SUSD4: variants seen among roughly 807,000 people sequenced by gnomAD.
SUSD4 encodes the protein sushi domain-containing protein 4.
SUSD4 carries 41 observed loss-of-function variants against 50.5 expected under a neutral mutation model. The ratio of observed to expected loss-of-function variants is 0.81; its 90% confidence interval spans 0.63 to 1.05. The LOEUF is 1.05. Ranked by LOEUF, SUSD4 falls within the 50% of genes least tolerant of loss-of-function variation. The pLI is 0.00. For synonymous variants in SUSD4, 257 were observed against 257.3 expected (o/e 1.00, Z 0.01); for missense variants, 580 against 634.7 (o/e 0.91, Z 0.93).
At chr1:223,300,041 C>T (rs1412218695) in intron 2 of SUSD4, among the ~76,000 whole-genome samples, 8 of 152,176 alleles carry the variant, frequency 5.3e-5, no homozygotes, top group Non-Finnish European at 7.3e-5. Flanking sequence ...CTGAATGTCC[C>T]TCCACCCAGA....
At chr1:223,267,069 T>C (rs1004163746) in intron 4 of SUSD4, among the ~76,000 whole-genome samples, 1 of 152,224 alleles carries the variant, frequency 6.6e-6, no homozygotes, top group African/African-American at 2.4e-5. Context: ...GGTAACCGAC[T>C]GGCTCTGTTG....
chr1:223,266,049 G>C (rs1662468699), intron 4 of SUSD4, among the ~76,000 whole-genome samples: 1 of 152,164 alleles, frequency 6.6e-6, no homozygotes, highest in African/African-American at 2.4e-5. Context: ...CTGTGCATCA[G>C]AGCAGGTGAG....
intron 3 of SUSD4, among the ~76,000 whole-genome samples, chr1:223,281,382 A>G (rs991428390): frequency 3.3e-5 from 5 of 152,140 alleles, no homozygotes; most frequent in Admixed American, 1.3e-4. Flanking sequence ...TCAAATAGAC[A>G]CAATAAAAAA....
intron 2 of SUSD4, among the ~76,000 whole-genome samples, chr1:223,322,451 C>T (rs1055810625): frequency 2.6e-5 from 4 of 152,208 alleles, no homozygotes; most frequent in East Asian, 1.9e-4. Context: ...AGACCTAACA[C>T]ATCGATTTTT....
intron 2 of SUSD4, among the ~76,000 whole-genome samples, chr1:223,321,499 C>G (rs943111527): frequency 6.6e-6 from 1 of 152,250 alleles, no homozygotes; most frequent in African/African-American, 2.4e-5. Context: ...ATTATCTTCA[C>G]CATCACCCAG....
At chr1:223,255,186 G>T (rs948459354) in intron 5 of SUSD4, among the ~76,000 whole-genome samples, 2 of 152,174 alleles carry the variant, frequency 1.3e-5, no homozygotes, top group African/African-American at 4.8e-5. Context: ...GAGGGAAAGG[G>T]CATGAGATTT....
intron 3 of SUSD4, among the ~76,000 whole-genome samples, chr1:223,285,297 C>T (rs760142899): frequency 6.6e-6 from 1 of 152,124 alleles, no homozygotes; most frequent in Non-Finnish European, 1.5e-5. Context: ...GAGGCTTTGC[C>T]TTCAGTGACT....
At chr1:223,240,019 C>G (rs957709383) in intron 5 of SUSD4, among the ~76,000 whole-genome samples, 4 of 151,852 alleles carry the variant, frequency 2.6e-5, no homozygotes, top group African/African-American at 9.7e-5. Flanking sequence ...CTTCCTTTCT[C>G]CTTCGCTTCT....
At chr1:223,241,775 G>T (rs987176583) in intron 5 of SUSD4, among the ~76,000 whole-genome samples, 2 of 152,186 alleles carry the variant, frequency 1.3e-5, no homozygotes, top group African/African-American at 4.8e-5. Context: ...GGAGCTAAGT[G>T]CTTGCCTGGC....
intron 2 of SUSD4, among the ~76,000 whole-genome samples, chr1:223,349,758 G>T (rs1668253199): frequency 6.6e-6 from 1 of 152,154 alleles, no homozygotes; most frequent in Non-Finnish European, 1.5e-5. Flanking sequence ...CCTCCTGGAA[G>T]CCTTCCCATA....
chr1:223,258,598 C>T (rs1158799877), intron 5 of SUSD4, among the ~76,000 whole-genome samples: 2 of 152,048 alleles, frequency 1.3e-5, no homozygotes, highest in African/African-American at 2.4e-5. Flanking sequence ...TGTTCGGCTT[C>T]CAAGGGGGTC....
intron 2 of SUSD4, among the ~76,000 whole-genome samples, chr1:223,342,488 G>A (rs1417160552): frequency 6.6e-6 from 1 of 152,090 alleles, no homozygotes; most frequent in Non-Finnish European, 1.5e-5. Context: ...TAATGAGTGG[G>A]GATTTGCTCT....
At chr1:223,279,794 A>T (rs1571957809) in intron 3 of SUSD4, among the ~76,000 whole-genome samples, 1 of 140,868 alleles carries the variant, frequency 7.1e-6, no homozygotes, top group East Asian at 2.1e-4. Flanking sequence ...TGTCAGATTC[A>T]CTGAAGTTGA....
chr1:223,282,419 A>C (rs1663809074), intron 3 of SUSD4, among the ~76,000 whole-genome samples: 1 of 152,200 alleles, frequency 6.6e-6, no homozygotes, highest in Admixed American at 6.5e-5. Flanking sequence ...ATATGCAAAA[A>C]TCACAAGCAT....
intron 5 of SUSD4, among the ~76,000 whole-genome samples, chr1:223,258,829 C>T (rs898324389): frequency 8.5e-5 from 13 of 152,106 alleles, no homozygotes; most frequent in East Asian, 7.7e-4. Flanking sequence ...CCTGAAAACC[C>T]GGCTGCCTTC....
intron 4 of SUSD4, among the ~76,000 whole-genome samples, chr1:223,267,846 C>A (rs1043335692): frequency 6.6e-6 from 1 of 151,382 alleles, no homozygotes; most frequent in East Asian, 1.9e-4. Flanking sequence ...CGAAGTCACA[C>A]GTCAAAAAAT....
At chr1:223,284,636 G>A (rs919509553) in intron 3 of SUSD4, among the ~76,000 whole-genome samples, 25 of 152,248 alleles carry the variant, frequency 1.6e-4, no homozygotes, top group Admixed American at 3.9e-4. Context: ...AATGGGTAAC[G>A]AAACTGTGGT....
intron 2 of SUSD4, among the ~76,000 whole-genome samples, chr1:223,296,825 T>A (rs193210013): frequency 1.3e-5 from 2 of 152,304 alleles, no homozygotes; most frequent in African/African-American, 4.8e-5. Context: ...GCTGCCGCCA[T>A]GTGAAGAAGG....
rs541700865 is a variant in SUSD4 at position 223,289,637 on chromosome 1, C to T, written c.361+2802G>A. ...GGAGTCCAGGTAACAGTGACAAGCC[C>T]GGGGGCTGCAACAGGTCTTTCCCTA... is the stretch of plus-strand genomic sequence containing the variant. On this transcript the variant is annotated intron_variant, in intron 3 of 8. Transcript: ENST00000366878. Among the ~76,000 whole-genome samples the T allele has an allele frequency of 7.9e-5, 12 of 152,204 alleles. No individual in the cohort carries two copies. In the South Asian group the frequency reaches 1.2e-3, roughly 16 times the overall value.
Sources: gnomAD v4.1 joint callset for allele counts (sites outside exome capture counted in the v4.1 genomes callset) on GRCh38, gnomAD v4.1.1 for gene constraint, MANE v1.5 for transcripts, NCBI Gene and HGNC (gene_info 2026-07-23, HGNC 2026-07-21) for gene names.